CCNC: variants seen among roughly 807,000 people sequenced by gnomAD.
CCNC encodes cyclin-C.
Under a neutral mutation model 50.0 loss-of-function variants are expected in CCNC, and 19 were observed. The ratio of observed to expected loss-of-function variants is 0.38; its 90% CI spans 0.27 to 0.56. The LOEUF (loss-of-function observed/expected upper bound fraction) is 0.56. Among genes scored for constraint, CCNC ranks in the 20% least tolerant of loss-of-function variants. The pLI, the probability that CCNC is intolerant of heterozygous loss-of-function variation, is 0.72. For synonymous variants in CCNC, 93 were observed against 103.7 expected (o/e 0.90, Z 0.63); for missense variants, 200 against 327.1 (o/e 0.61, Z 3.00).
At chr6:99,558,468 C>T in intron 5 of CCNC, 29 bp downstream of exon 5, 10 of 1,610,380 alleles carry the variant, frequency 6.2e-6, no homozygotes, top group Non-Finnish European at 6.8e-6. Context: ...GAATTACATC[C>T]TTAAAGCAGA....
chr6:99,549,833 CAT>C (rs940616370), intron 8 of CCNC, among the ~76,000 whole-genome samples: 2 of 152,050 alleles, frequency 1.3e-5, no homozygotes, highest in African/African-American at 2.4e-5. Flanking sequence ...ATTATAAACA[CAT>C]TTTTCTAATT....
rs529358557 is a variant in CCNC, at chr6:99,565,388, T to C, written c.33-2440A>G. On this transcript the variant is annotated intron_variant, in intron 1 of 11. Coordinates refer to ENST00000520429, the MANE Select transcript of CCNC (RefSeq NM_005190.4). Reference sequence around the variant, plus strand: ...TTTCCCTCTGTATATTTTCTGTTGCTAATGTAAATTATACTTCTCTATCCA... The same window carrying C: ...TTTCCCTCTGTATATTTTCTGTTGCCAATGTAAATTATACTTCTCTATCCA... Among the ~76,000 whole-genome samples the C allele has an allele frequency of 2.0e-3, 300 of 152,202 alleles. 3 individuals carry two copies. The highest frequency in any genetic ancestry group is 6.9e-3 in the African/African-American group (285 of 41,578).
chr6:99,555,089 T>C (rs1802458244), intron 5 of CCNC, among the ~76,000 whole-genome samples: 1 of 152,190 alleles, frequency 6.6e-6, no homozygotes, highest in Non-Finnish European at 1.5e-5. Flanking sequence ...CCCATATACA[T>C]GTATAGCATT....
In CCNC at chr6:99,543,294, CT is replaced by C; in HGVS notation, c.*260del. 2 of 301,396 alleles carry C rather than the reference CT, an allele frequency of 6.6e-6. No homozygotes were observed. Among genetic ancestry groups the C allele is most frequent in the Non-Finnish European group, 1.2e-5 (2 of 164,734 alleles). The allele number at this position is 301,396 out of a possible 1,614,324, so 18.7% of individuals were successfully genotyped here. On this transcript the variant is annotated 3_prime_UTR_variant, in exon 12 of 12. Coordinates refer to ENST00000520429, the MANE Select transcript of CCNC (RefSeq NM_005190.4). ...TAAGAAATATTATACTAATCAAAAG[CT>C]ATTAATTTTGAAATGTCTATGTATG...
At chr6:99,557,776 G>A (rs55915316) in intron 5 of CCNC, 19,817 of 129,360 alleles carry the variant, frequency 0.15, 1,720 homozygotes, top group Middle Eastern at 0.32. Flanking sequence ...GCGACAGAGC[G>A]AGACTCTGTC....
chr6:99,543,981 T>C (rs1280313326), intron 11 of CCNC: 19 of 1,228,880 alleles, frequency 1.5e-5, no homozygotes, highest in Non-Finnish European at 1.8e-5. Context: ...AAAATCCTAT[T>C]CCTACTATTT....
intron 11 of CCNC, chr6:99,544,277 C>T: frequency 6.5e-7 from 1 of 1,534,482 alleles, no homozygotes. Context: ...GGAATTTCTG[C>T]AAAAAATGCA....
chr6:99,554,260 A>G (rs938153017), intron 5 of CCNC, among the ~76,000 whole-genome samples: 1 of 152,176 alleles, frequency 6.6e-6, no homozygotes. Flanking sequence ...CATGATATTA[A>G]TGTGATTTAT....
intron 1 of CCNC, among the ~76,000 whole-genome samples, chr6:99,564,735 T>A (rs1769047127): frequency 1.3e-5 from 2 of 152,144 alleles, no homozygotes; most frequent in South Asian, 4.1e-4. Context: ...AGTTTAAATA[T>A]CTCTCAGTAT....
chr6:99,568,792 T>C, upstream of CCNC: 1 of 1,092,278 alleles, frequency 9.2e-7, no homozygotes, highest in South Asian at 1.9e-5. Flanking sequence ...GTGCTGACCC[T>C]TGGAGGTGCT....
At chr6:99,554,279 C>A (rs1802426433) in intron 5 of CCNC, among the ~76,000 whole-genome samples, 1 of 151,932 alleles carries the variant, frequency 6.6e-6, no homozygotes, top group Non-Finnish European at 1.5e-5. Context: ...ATCACTGTTG[C>A]TACTGACCTT....
intron 1 of CCNC, among the ~76,000 whole-genome samples, chr6:99,564,672 A>C (rs1481961156): frequency 6.6e-6 from 1 of 152,078 alleles, no homozygotes. Context: ...TAAAATTTGT[A>C]TAGTATAAAT....
chr6:99,562,424 A>G (rs1802821149), intron 2 of CCNC: 1 of 153,048 alleles, frequency 6.5e-6, no homozygotes, highest in Admixed American at 6.5e-5. Context: ...AAGTTAAAAA[A>G]ATTATGTGAC....
chr6:99,568,667 A>G, upstream of CCNC: 2 of 1,516,836 alleles, frequency 1.3e-6, no homozygotes, highest in Non-Finnish European at 1.8e-6. Context: ...CGACGGCGAA[A>G]GGAAGAGGAT....
chr6:99,560,174 T>C (rs1802718177), intron 4 of CCNC, among the ~76,000 whole-genome samples: 1 of 152,218 alleles, frequency 6.6e-6, no homozygotes, highest in Non-Finnish European at 1.5e-5. Context: ...TTATAAAGAT[T>C]TTTTGTCTTG....
intron 1 of CCNC, among the ~76,000 whole-genome samples, chr6:99,563,639 A>C (rs944429620): frequency 6.6e-6 from 1 of 152,192 alleles, no homozygotes; most frequent in Non-Finnish European, 1.5e-5. Flanking sequence ...TACTGATGGA[A>C]ATACAGGTCG....
intron 7 of CCNC, 67 bp downstream of exon 7, chr6:99,550,926 T>C: frequency 1.2e-6 from 1 of 824,108 alleles, no homozygotes; most frequent in Non-Finnish European, 1.8e-6. Flanking sequence ...ATCATTTCTT[T>C]AAATAATTTC....
At chr6:99,544,098 A>G (rs893219721) in intron 11 of CCNC, 2 of 1,409,926 alleles carry the variant, frequency 1.4e-6, no homozygotes, top group Non-Finnish European at 9.3e-7. Flanking sequence ...AGTCAGCAAG[A>G]AATATGGTAA....
At chr6:99,558,124 G>A (rs754695032) in intron 5 of CCNC, 42 of 248,346 alleles carry the variant, frequency 1.7e-4, no homozygotes, top group Middle Eastern at 1.2e-3. Flanking sequence ...ACACAGGAAC[G>A]GGTTTGCACA....
Sources: gnomAD v4.1 joint callset for allele counts (sites outside exome capture counted in the v4.1 genomes callset) on GRCh38, gnomAD v4.1.1 for gene constraint, MANE v1.5 for transcripts, NCBI Gene and HGNC (gene_info 2026-07-23, HGNC 2026-07-21) for gene names.